Variants in STATH observed in about 807,000 individuals in gnomAD.
The protein encoded by STATH is statherin.
STATH carries 11 observed loss-of-function variants against 13.3 expected under a neutral mutation model. That is an observed-to-expected ratio of 0.83 (90% CI 0.52 to 1.37). The LOEUF (loss-of-function observed/expected upper bound fraction) is 1.37. Among genes scored for constraint, STATH ranks in the 40% most tolerant of loss-of-function variants. The probability of loss-of-function intolerance (pLI) is 0.00; values close to 1 mark genes in which losing one functional copy is unlikely to be tolerated. For synonymous variants in STATH, 25 were observed against 23.6 expected, an observed-to-expected ratio of 1.06 and a Z score of -0.17; for missense variants, 78 against 73.3, an observed-to-expected ratio of 1.06 and a Z score of -0.24.
Position 70,000,927 on chromosome 4 carries a change from A to T in STATH, c.167A>T (p.Gln56Leu), listed in dbSNP as rs781028861. Reference protein sequence around the residue: ...QPLYPQPYQPQYQQYTF With the variant: ...QPLYPQPYQPLYQQYTF ...CTATACCCACAACCATACCAACCAC[A>T]ATACCAACAATATACCTTTTAATAT... is the stretch of plus-strand genomic sequence containing the variant. The change falls in exon 5 of 6, where the codon CAA becomes CTA. Residue 56 changes from glutamine (Q) to leucine (L), a missense_variant. Physicochemically the swap from Gln to Leu is moderately radical, Grantham distance 113 (BLOSUM62 -2). Coordinates refer to ENST00000246895, the MANE Select transcript of STATH (RefSeq NM_003154.3). 2 of 1,612,050 alleles carry T rather than the reference A, an allele frequency of 1.2e-6. No homozygotes were observed. The highest frequency in any genetic ancestry group is 1.7e-6 in the Non-Finnish European group (2 of 1,178,434).
At position 69,999,781 on chromosome 4, in the gene STATH, A is replaced by C; in HGVS notation, c.74A>C (p.Lys25Thr). 1 of 1,612,110 alleles carries C rather than the reference A, an allele frequency of 6.2e-7. No individual in the cohort carries two copies. The highest frequency in any genetic ancestry group is 8.5e-7 in the Non-Finnish European group (1 of 1,178,924). ...TAAACTTTTCTTCATTTTTCACAGA[A>C]ATTTTTGCGTAGAATTGGAAGATTC... ...SMIGADSSEE[K>T]FLRRIGRFGY... Residue 25 changes from lysine to threonine, a missense_variant and splice_region_variant, in exon 4 of 6, where the codon AAA becomes ACA. Lys to Thr is a moderately conservative substitution (Grantham distance 78). Coordinates refer to ENST00000246895, the MANE Select transcript of STATH (RefSeq NM_003154.3).
chr4:70,001,140 T>C lies in STATH; in HGVS notation c.*33+158T>C, dbSNP rs1491418. 4.9e-3 allele frequency among the ~76,000 whole-genome samples: 52 copies of C among 10,656 alleles called. No individual in the cohort carries two copies. In the East Asian group the frequency reaches 0.074, roughly 15 times the overall value. 7.0% of individuals were successfully genotyped at this position (10,656 alleles called of 152,430 possible). A position where few individuals can be genotyped will look rare whatever the true frequency, so the allele number is the denominator to read the frequency against. On this transcript the variant is annotated intron_variant, in intron 5 of 5. Transcript: ENST00000246895. ...AAATGTATTAATTTATATAAATGCT[T>C]CTGAGATAGTCTCTGTCCTGCTATG...
At position 69,997,993 on chromosome 4, in the gene STATH, T is replaced by C. The variant is rs371828422; in HGVS notation, c.-15-430T>C. ...CTATCTTCCCTACATTTTGAACTGT[T>C]CCAGTTTTATCTTCTGATAAACTGC... On this transcript the variant is annotated intron_variant, in intron 1 of 5. Coordinates refer to ENST00000246895, the MANE Select transcript of STATH (RefSeq NM_003154.3). Among the ~76,000 whole-genome samples the C allele has an allele frequency of 3.5e-4, 53 of 152,256 alleles. No homozygotes were observed. In the East Asian group the frequency reaches 4.1e-3, roughly 12 times the overall value.
At chr4:69,998,529 C>G (rs984797294) in intron 2 of STATH, 41 bp downstream of exon 2, 3 of 1,543,856 alleles carry the variant, frequency 1.9e-6, no homozygotes, top group South Asian at 1.1e-5. Context: ...TTCTCAGTAC[C>G]TATCCCAAGA....
chr4:70,000,086 T>C (rs1418475399), intron 4 of STATH: 2 of 409,866 alleles, frequency 4.9e-6, no homozygotes, highest in African/African-American at 4.0e-5. Context: ...TAAAAAATAG[T>C]TGAAATTCTA....
At chr4:69,996,414 TGTTTCACAA>T (rs1194436883) in intron 1 of STATH, among the ~76,000 whole-genome samples, 1 of 152,208 alleles carries the variant, frequency 6.6e-6, no homozygotes, top group African/African-American at 2.4e-5. Flanking sequence ...ATGTATATAT[TGTTTCACAA>T]GTTTAACTTT....
rs541417849 is a variant in STATH at position 69,999,251 on chromosome 4, G to A, written c.52-416G>A. ...CATTATTTGTTATAAAAGGATAGGTGTCTAAAAAATAAAAAATAAAAATGT... is the reference window on the plus strand; with the variant it reads ...CATTATTTGTTATAAAAGGATAGGTATCTAAAAAATAAAAAATAAAAATGT... On this transcript the variant is annotated intron_variant, in intron 2 of 5. Coordinates refer to ENST00000246895, the MANE Select transcript of STATH (RefSeq NM_003154.3). The A allele has an allele frequency of 5.5e-5, 9 of 162,812 alleles. No individual in the cohort carries two copies. The South Asian group carries it at 1.6e-3, about 29-fold the overall frequency. The allele number at this position is 162,812 out of a possible 1,614,324, so 10.1% of individuals were successfully genotyped here.
intron 3 of STATH, 44 bp from the exon 4 acceptor site, chr4:69,999,736 C>T: frequency 1.2e-6 from 2 of 1,611,536 alleles, no homozygotes; most frequent in Non-Finnish European, 1.7e-6. Context: ...TTTGTCCTCC[C>T]TACATTTGTA....
intron 2 of STATH, among the ~76,000 whole-genome samples, chr4:69,999,459 T>C (rs1578160933): frequency 6.6e-6 from 1 of 152,058 alleles, no homozygotes; most frequent in Non-Finnish European, 1.5e-5. Flanking sequence ...AATAAATTTA[T>C]ATTTGAATAT....
intron 4 of STATH, 111 bp from the exon 5 acceptor site, chr4:70,000,752 T>C: frequency 7.9e-6 from 6 of 759,648 alleles, no homozygotes; most frequent in South Asian, 1.7e-5. Flanking sequence ...AAAAATCTTA[T>C]AAGTAATATG....
rs961883234 is a variant in STATH, at chr4:70,002,411, G to A, written c.*256G>A. On this transcript the variant is annotated 3_prime_UTR_variant, in exon 6 of 6. Transcript: ENST00000246895. ...TGTTCAGTACTGTTTCTGAATAATA[G>A]AAATCACTTCTCTAAAAGCAATAAA... The A allele has an allele frequency of 6.6e-6, 1 of 151,550 alleles. No homozygotes were observed. The highest frequency in any genetic ancestry group is 1.5e-5 in the Non-Finnish European group (1 of 67,736). The allele number at this position is 151,550 out of a possible 1,614,324, so 9.4% of individuals were successfully genotyped here. A position where few individuals can be genotyped will look rare whatever the true frequency, so the allele number is the denominator to read the frequency against.
chr4:69,998,677 T>A, intron 2 of STATH, 189 bp downstream of exon 2: 1 of 429,878 alleles, frequency 2.3e-6, no homozygotes, highest in Non-Finnish European at 4.1e-6. Context: ...ATAGTCATTA[T>A]TCATCTACAG....
Position 70,000,894 on chromosome 4 carries a change from AACAACCACTATACCC to A in STATH, c.142_156del (p.Leu48_Pro52del), listed in dbSNP as rs746901501. On this transcript the variant is annotated inframe_deletion, in exon 5 of 6. Transcript: ENST00000246895. ...TATGGCCCTTATCAGCCAGTTCCAG[AACAACCACTATACCC>A]ACAACCATACCAACCACAATACCAA... is the stretch of plus-strand genomic sequence containing the variant. 6.4e-5 allele frequency: 103 copies of A among 1,612,106 alleles called. 4 individuals carry two copies. In the South Asian group the frequency reaches 1.1e-3, roughly 17 times the overall value.
At chr4:69,998,102 C>G (rs1020821666) in intron 1 of STATH, among the ~76,000 whole-genome samples, 12 of 152,168 alleles carry the variant, frequency 7.9e-5, no homozygotes, top group African/African-American at 2.9e-4. Flanking sequence ...TGCAGTCACC[C>G]AACACCTCTT....
chr4:70,000,700 G>T, intron 4 of STATH, 163 bp from the exon 5 acceptor site: 1 of 589,090 alleles, frequency 1.7e-6, no homozygotes, highest in Admixed American at 3.0e-5. Flanking sequence ...CTTTTAAAAT[G>T]TGTTTATAAC....
intron 1 of STATH, 89 bp downstream of exon 1, chr4:69,996,114 A>G (rs1724497048): frequency 6.6e-6 from 1 of 152,192 alleles, no homozygotes; most frequent in Non-Finnish European, 1.5e-5. Flanking sequence ...AAAAATGTGT[A>G]TTTATGTAAT....
chr4:69,996,947 T>C (rs1468043455), intron 1 of STATH, among the ~76,000 whole-genome samples: 2 of 147,060 alleles, frequency 1.4e-5, no homozygotes, highest in African/African-American at 5.2e-5. Context: ...TTTTTTTTTT[T>C]TTAATTTGAG....
rs1339234485 is a variant in STATH at position 70,000,856 on chromosome 4, T to A, written c.103-7T>A. ...CTGCAATTTTCTTTCTCCTTGTGTGTATACAGTATGGGTATGGCCCTTATC... is the reference window on the plus strand; with the variant it reads ...CTGCAATTTTCTTTCTCCTTGTGTGAATACAGTATGGGTATGGCCCTTATC... On this transcript the variant is annotated splice_region_variant and splice_polypyrimidine_tract_variant and intron_variant, in intron 4 of 5. Coordinates refer to ENST00000246895, the MANE Select transcript of STATH (RefSeq NM_003154.3). The A allele has an allele frequency of 6.2e-7, 1 of 1,609,968 alleles. No individual in the cohort carries two copies. The highest frequency in any genetic ancestry group is 1.7e-5 in the Admixed American group (1 of 59,864).
intron 5 of STATH, 71 bp downstream of exon 5, chr4:70,001,053 A>T: frequency 9.1e-7 from 1 of 1,093,828 alleles, no homozygotes; most frequent in East Asian, 2.4e-5. Flanking sequence ...GAAAAACAAA[A>T]ACAAGACATT....
Sources: allele counts gnomAD v4.1 joint callset (sites outside exome capture counted in the v4.1 genomes callset), GRCh38; gene constraint gnomAD v4.1.1; transcripts MANE v1.5; gene names NCBI Gene and HGNC (gene_info 2026-07-23, HGNC 2026-07-21).